The following MAP4 variants were observed in gnomAD, a reference collection of about 807,000 sequenced individuals.
The protein encoded by MAP4 is microtubule-associated protein 4.
Under a neutral mutation model 170.2 loss-of-function variants are expected in MAP4, and 76 were observed. The ratio of observed to expected loss-of-function variants is 0.45; its 90% CI spans 0.37 to 0.54. The LOEUF is 0.54. MAP4 is among the 20% of genes least tolerant of loss of function. The pLI is 0.00. For synonymous variants in MAP4, 909 were observed against 994.5 expected (o/e 0.91, Z 1.62); for missense variants, 2,506 against 2,748.0 (o/e 0.91, Z 1.97).
chr3:48,053,990 G>A (rs1178602138), intron 1 of MAP4, among the ~76,000 whole-genome samples: 1 of 152,006 alleles, frequency 6.6e-6, no homozygotes, highest in Non-Finnish European at 1.5e-5. Context: ...TTTGCAAAAA[G>A]AAAAAATAAA....
chr3:48,025,801 G>A (rs2100112757), intron 1 of MAP4, among the ~76,000 whole-genome samples: 1 of 151,620 alleles, frequency 6.6e-6, no homozygotes, highest in Non-Finnish European at 1.5e-5. Flanking sequence ...TCAGGAGGCT[G>A]AGGCAGGAGA....
intron 10 of MAP4, among the ~76,000 whole-genome samples, chr3:47,900,384 A>G (rs2100029354): frequency 6.6e-6 from 1 of 152,226 alleles, no homozygotes; most frequent in Non-Finnish European, 1.5e-5. Flanking sequence ...GACAGAATGA[A>G]TAAGCTGAGG....
chr3:48,011,724 A>C (rs1227260805), intron 1 of MAP4, among the ~76,000 whole-genome samples: 1 of 152,170 alleles, frequency 6.6e-6, no homozygotes, highest in Admixed American at 6.5e-5. Flanking sequence ...GAGTTCATTA[A>C]AGAGCTTTTA....
intron 1 of MAP4, among the ~76,000 whole-genome samples, chr3:48,058,904 C>A (rs1398676537): frequency 6.6e-6 from 1 of 152,000 alleles, no homozygotes; most frequent in African/African-American, 2.4e-5. Context: ...CCTCAGCCTC[C>A]GAGTAGCTGA....
intron 17 of MAP4, among the ~76,000 whole-genome samples, chr3:47,862,067 A>T (rs1360722879): frequency 6.7e-6 from 1 of 150,094 alleles, no homozygotes; most frequent in Non-Finnish European, 1.5e-5. Context: ...AGGCTGAGAC[A>T]GGAGAATCAC....
chr3:47,909,303 T>C lies in MAP4; in HGVS notation c.5118A>G (p.Ser1706=). Residue 1706 remains serine (S), a synonymous_variant, in exon 9 of 21, where the codon TCA becomes TCG. Transcript: ENST00000683076. ...TTATTACTAACGTATCCGCCACCTC[T>C]GAAGGAGGAGCTTCGACTTTGCTAT... The part of the protein sequence containing the change: ...FLHSKVEAPP[S]EVADTLVIMT... 1 of 1,613,964 alleles carries C rather than the reference T, an allele frequency of 6.2e-7. No homozygotes were observed. Among genetic ancestry groups the C allele is most frequent in the Non-Finnish European group, 8.5e-7 (1 of 1,179,856 alleles).
chr3:47,962,874 GT>G (rs927211700), intron 3 of MAP4, among the ~76,000 whole-genome samples: 2 of 152,190 alleles, frequency 1.3e-5, no homozygotes, highest in African/African-American at 4.8e-5. Flanking sequence ...ATATTAATTT[GT>G]TAAATAGAAA....
chr3:47,914,921 C>T lies in MAP4; in HGVS notation c.1895G>A (p.Gly632Glu), dbSNP rs770851807. Reference protein sequence around the residue: ...MISPETVTGTGKKCSLPAEED... With the variant: ...MISPETVTGTEKKCSLPAEED... ...CTCGGCCGGCAAGCTGCACTTTTTC[C>T]CCGTTCCTGTGACGGTTTCTAAAGG... Residue 632 changes from glycine (G) to glutamate (E), a missense_variant, in exon 8 of 21, where the codon GGG (glycine) becomes GAG (glutamate). Transcript: ENST00000683076. 4 of 1,614,018 alleles carry T rather than the reference C, an allele frequency of 2.5e-6. No individual in the cohort carries two copies. In the South Asian group the frequency reaches 4.4e-5, roughly 18 times the overall value.
chr3:47,962,143 T>A (rs1219241022), intron 3 of MAP4, among the ~76,000 whole-genome samples: 1 of 152,220 alleles, frequency 6.6e-6, no homozygotes, highest in Non-Finnish European at 1.5e-5. Context: ...TGCCTCTTAA[T>A]TAGCATGTAA....
chr3:47,881,514 T>C (rs1468075470), intron 10 of MAP4, among the ~76,000 whole-genome samples: 7 of 133,118 alleles, frequency 5.3e-5, no homozygotes, highest in African/African-American at 1.9e-4. Flanking sequence ...TCATTATATA[T>C]AGCTACTGCT....
At chr3:48,001,307 T>C (rs1177259741) in intron 1 of MAP4, among the ~76,000 whole-genome samples, 2 of 152,134 alleles carry the variant, frequency 1.3e-5, no homozygotes, top group African/African-American at 4.8e-5. Context: ...AAGAAAAAAA[T>C]ACAATACCAA....
intron 1 of MAP4, among the ~76,000 whole-genome samples, chr3:48,077,231 T>C (rs1338393275): frequency 6.6e-6 from 1 of 151,798 alleles, no homozygotes; most frequent in Non-Finnish European, 1.5e-5. Context: ...TCACCTGAGG[T>C]TGGGAGTTCG....
intron 1 of MAP4, among the ~76,000 whole-genome samples, chr3:48,079,068 G>A (rs776383529): frequency 1.3e-5 from 2 of 152,106 alleles, no homozygotes; most frequent in Non-Finnish European, 2.9e-5. Flanking sequence ...CTACTCAAGA[G>A]GCTGAGGCAG....
chr3:47,901,331 C>T (rs918260625), intron 10 of MAP4, among the ~76,000 whole-genome samples: 4 of 152,098 alleles, frequency 2.6e-5, no homozygotes, highest in African/African-American at 9.7e-5. Context: ...GGAGTAATGT[C>T]ACTTGGTATC....
At chr3:48,049,092 T>A (rs2100126154) in intron 1 of MAP4, among the ~76,000 whole-genome samples, 1 of 152,224 alleles carries the variant, frequency 6.6e-6, no homozygotes, top group South Asian at 2.1e-4. Flanking sequence ...GTGTTGCAGG[T>A]TATCTATAGC....
intron 3 of MAP4, among the ~76,000 whole-genome samples, chr3:47,970,210 G>A (rs892081846): frequency 1.3e-5 from 2 of 152,378 alleles, no homozygotes; most frequent in South Asian, 2.1e-4. Flanking sequence ...TAAAAGCTGG[G>A]CATGGTGGCT....
intron 1 of MAP4, among the ~76,000 whole-genome samples, chr3:48,052,881 A>G (rs913014457): frequency 6.6e-6 from 1 of 152,146 alleles, no homozygotes; most frequent in East Asian, 1.9e-4. Context: ...AAATATGGAA[A>G]CTGATAACGT....
chr3:47,946,654 CAAAAAAAAAAA>C lies in MAP4; in HGVS notation c.293-18315_293-18305del, dbSNP rs11427271. Among the ~76,000 whole-genome samples the C allele has an allele frequency of 1.2e-3, 47 of 40,824 alleles. No homozygotes were observed. In the East Asian group the frequency reaches 0.034, roughly 30 times the overall value. The allele number at this position is 40,824 out of a possible 152,430, so 26.8% of individuals were successfully genotyped here. A position where few individuals can be genotyped will look rare whatever the true frequency, so the allele number is the denominator to read the frequency against. ...GGGTGACAAAGGTGAAACTCCGTCT[CAAAAAAAAAAA>C]AAAAAAAAAAAAAAGAAGCAACTAT... On this transcript the variant is annotated intron_variant, in intron 3 of 20. Coordinates refer to ENST00000683076, the MANE Select transcript of MAP4 (RefSeq NM_001385682.1).
At chr3:47,980,828 T>C (rs1181331076) in intron 2 of MAP4, among the ~76,000 whole-genome samples, 1 of 152,214 alleles carries the variant, frequency 6.6e-6, no homozygotes, top group African/African-American at 2.4e-5. Flanking sequence ...ATGCATATTT[T>C]TAAAAACTTG....
Sources: gnomAD v4.1 joint callset for allele counts (sites outside exome capture counted in the v4.1 genomes callset) on GRCh38, gnomAD v4.1.1 for gene constraint, MANE v1.5 for transcripts, NCBI Gene and HGNC (gene_info 2026-07-23, HGNC 2026-07-21) for gene names.